The following EFCAB3 variants were observed in gnomAD, a reference collection of about 807,000 sequenced individuals.
EFCAB3 encodes EF-hand calcium-binding domain-containing protein 3.
In EFCAB3, 36 loss-of-function variants were observed where a neutral mutation model predicts 42.2. The observed-to-expected ratio is 0.85, with a 90% CI of 0.65 to 1.13. EFCAB3 has a LOEUF of 1.13. Among genes scored for constraint, EFCAB3 ranks in the 50% most tolerant of loss-of-function variants. The pLI, the probability that EFCAB3 is intolerant of heterozygous loss-of-function variation, is 0.00. For missense variants in EFCAB3, 418 were observed against 505.1 expected, an observed-to-expected ratio of 0.83 and a Z score of 1.65; for synonymous variants, 170 against 172.8, an observed-to-expected ratio of 0.98 and a Z score of 0.13.
At chr17:62,413,600 A>G in intron 8 of EFCAB3, 132 bp from the exon 9 acceptor site, 1 of 902,546 alleles carries the variant, frequency 1.1e-6, no homozygotes, top group South Asian at 3.0e-5. Flanking sequence ...AAACAAACAA[A>G]TGGTTTGGCA....
At chr17:62,398,473 A>G (rs1835672957) in intron 6 of EFCAB3, among the ~76,000 whole-genome samples, 1 of 147,334 alleles carries the variant, frequency 6.8e-6, no homozygotes, top group African/African-American at 2.5e-5. Flanking sequence ...AGAAAAAAAA[A>G]ACTGTAGTGA....
At chr17:62,391,018 T>C (rs9900571) in intron 3 of EFCAB3, among the ~76,000 whole-genome samples, 106,455 of 152,152 alleles carry the variant, frequency 0.7, 43,476 homozygotes, top group Non-Finnish European at 0.92. Flanking sequence ...TTGGGTCCAA[T>C]TTGACAAATT....
intron 6 of EFCAB3, among the ~76,000 whole-genome samples, chr17:62,398,312 G>T (rs2070370318): frequency 6.6e-6 from 1 of 152,026 alleles, no homozygotes. Context: ...ACATTAACTG[G>T]GTGCGGTGCT....
chr17:62,408,982 C>T (rs575449003), intron 8 of EFCAB3, among the ~76,000 whole-genome samples: 1 of 152,194 alleles, frequency 6.6e-6, no homozygotes, highest in African/African-American at 2.4e-5. Flanking sequence ...AAATAACAAT[C>T]CCCACATTGT....
intron 3 of EFCAB3, 119 bp downstream of exon 3, chr17:62,387,535 A>G: frequency 1.2e-6 from 1 of 803,414 alleles, no homozygotes; most frequent in Admixed American, 3.2e-5. Context: ...TTTGAGAGAA[A>G]GGAAAAAAAA....
intron 3 of EFCAB3, 151 bp downstream of exon 3, chr17:62,387,567 G>A: frequency 1.7e-6 from 1 of 593,350 alleles, no homozygotes; most frequent in Non-Finnish European, 2.8e-6. Flanking sequence ...TGTGGGACAG[G>A]AGGGAAATTG....
chr17:62,373,959 T>C, intron 2 of EFCAB3: 1 of 633,992 alleles, frequency 1.6e-6, no homozygotes, highest in Non-Finnish European at 2.6e-6. Flanking sequence ...AAGTAATATA[T>C]GTTCATTATA....
chr17:62,379,480 T>C (rs957039787), upstream of EFCAB3, among the ~76,000 whole-genome samples: 4 of 151,870 alleles, frequency 2.6e-5, no homozygotes. Context: ...TAGTAAATAA[T>C]TGTTGAATTA....
Position 62,391,891 on chromosome 17 carries a change from G to T in EFCAB3, c.221G>T (p.Cys74Phe). Reference protein sequence around the residue: ...TGCIDFHGLMCTVAKLGMNLT... With the variant: ...TGCIDFHGLMFTVAKLGMNLT... ...TGTATTGATTTCCATGGACTGATGT[G>T]CACTGTAGCTAAGCTGGGAATGAAT... is the stretch of plus-strand genomic sequence containing the variant. Residue 74 changes from cysteine to phenylalanine, a missense_variant, in exon 4 of 10, where the codon TGC becomes TTC. Transcript: ENST00000305286. 1 of 1,613,776 alleles carries T rather than the reference G, an allele frequency of 6.2e-7. No homozygotes were observed. Among genetic ancestry groups the T allele is most frequent in the Non-Finnish European group, 8.5e-7 (1 of 1,179,862 alleles).
intron 8 of EFCAB3, among the ~76,000 whole-genome samples, chr17:62,411,757 C>T (rs938836447): frequency 7.0e-6 from 1 of 142,262 alleles, no homozygotes; most frequent in African/African-American, 2.6e-5. Flanking sequence ...CACCAAGCAA[C>T]ACTCTGTCTC....
chr17:62,382,788 G>A (rs539059699), intron 1 of EFCAB3, among the ~76,000 whole-genome samples, 175 bp from the exon 2 acceptor site: 19 of 152,164 alleles, frequency 1.2e-4, no homozygotes, highest in Non-Finnish European at 2.8e-4. Flanking sequence ...CAACGAAGGG[G>A]AATTTCCACA....
intron 6 of EFCAB3, among the ~76,000 whole-genome samples, chr17:62,397,234 A>C (rs1393699742): frequency 6.6e-6 from 1 of 152,246 alleles, no homozygotes; most frequent in Non-Finnish European, 1.5e-5. Flanking sequence ...AGGAGATTAA[A>C]AATGTTTAAG....
intron 6 of EFCAB3, among the ~76,000 whole-genome samples, chr17:62,401,946 G>A (rs1309826512): frequency 1.3e-5 from 2 of 152,102 alleles, no homozygotes; most frequent in Admixed American, 6.6e-5. Flanking sequence ...CCATTTGTTT[G>A]TGTCTTCTTT....
intron 6 of EFCAB3, among the ~76,000 whole-genome samples, chr17:62,396,778 G>T (rs952274994): frequency 1.3e-5 from 2 of 151,586 alleles, no homozygotes; most frequent in African/African-American, 2.4e-5. Context: ...TGTAGTCCAA[G>T]CTATTCAAGA....
chr17:62,387,286 A>G lies in EFCAB3; in HGVS notation c.75-54A>G, dbSNP rs144794154. The G allele has an allele frequency of 7.3e-4, 1,014 of 1,384,428 alleles. 6 individuals carry two copies. The African/African-American group carries it at 0.013, about 17-fold the overall frequency. The allele number at this position is 1,384,428 out of a possible 1,614,324, so 85.8% of individuals were successfully genotyped here. A position where few individuals can be genotyped will look rare whatever the true frequency, so the allele number is the denominator to read the frequency against. On this transcript the variant is annotated intron_variant, in intron 2 of 9. Coordinates refer to ENST00000305286, the MANE Select transcript of EFCAB3 (RefSeq NM_173503.4). ...GCAGAAACTGATGAGTAAGACTAAT[A>G]TCTGCTGGTTTCACATAGGTAGTAA...
At position 62,383,017 on chromosome 17, in the gene EFCAB3, A is replaced by G. The variant is rs759031990; in HGVS notation, c.38A>G (p.Asn13Ser). ...GAAATTAAACCAAAACTTAAGCTGAATCCTCTAACAAAAGTACCCATCTCC... is the reference window on the plus strand; with the variant it reads ...GAAATTAAACCAAAACTTAAGCTGAGTCCTCTAACAAAAGTACCCATCTCC... The part of the protein sequence containing the change: ...VSEIKPKLKL[N>S]PLTKVPISHN... Residue 13 changes from asparagine to serine, a missense_variant, in exon 2 of 10, where the codon AAT becomes AGT. Transcript: ENST00000305286. 1 of 1,613,852 alleles carries G rather than the reference A, an allele frequency of 6.2e-7. No individual in the cohort carries two copies. The highest frequency in any genetic ancestry group is 2.2e-5 in the East Asian group (1 of 44,864).
At chr17:62,372,261 A>T (rs916438856) in intron 1 of EFCAB3, among the ~76,000 whole-genome samples, 6 of 151,576 alleles carry the variant, frequency 4.0e-5, no homozygotes, top group African/African-American at 1.5e-4. Context: ...TTCTCTCTTC[A>T]GTTGAAGAGA....
chr17:62,378,412 T>C (rs1003608196), upstream of EFCAB3, among the ~76,000 whole-genome samples: 13 of 152,092 alleles, frequency 8.5e-5, no homozygotes, highest in African/African-American at 2.9e-4. Context: ...ATAAAATGGG[T>C]GAGGACCTGG....
At chr17:62,415,883 T>C (rs2070542913) in intron 9 of EFCAB3, 120 bp from the exon 10 acceptor site, 11 of 837,716 alleles carry the variant, frequency 1.3e-5, no homozygotes, top group Non-Finnish European at 2.1e-5. Flanking sequence ...CCACCTAATG[T>C]ATAGATTCAG....
Sources: gnomAD v4.1 joint callset for allele counts (sites outside exome capture counted in the v4.1 genomes callset) on GRCh38, gnomAD v4.1.1 for gene constraint, MANE v1.5 for transcripts, NCBI Gene and HGNC (gene_info 2026-07-23, HGNC 2026-07-21) for gene names.